Variants in KIF26B observed in about 807,000 individuals in gnomAD.
The protein encoded by KIF26B is kinesin family member 26B.
A neutral mutation model predicts 151.2 loss-of-function variants in KIF26B; 63 were observed. That is an observed-to-expected ratio of 0.42 (90% CI 0.34 to 0.51). The LOEUF (loss-of-function observed/expected upper bound fraction) is 0.51, where lower values mean the gene tolerates loss of function less well. Ranked by LOEUF, KIF26B falls within the 20% of genes least tolerant of loss-of-function variation. The probability of loss-of-function intolerance (pLI) is 0.07; values close to 1 mark genes in which losing one functional copy is unlikely to be tolerated. For synonymous variants in KIF26B, 1,357 were observed against 1,262.1 expected, an observed-to-expected ratio of 1.08 and a Z score of -1.59; for missense variants, 2,813 against 2,913.6, an observed-to-expected ratio of 0.97 and a Z score of 0.79.
chr1:245,641,119 T>C (rs537789880), intron 9 of KIF26B, among the ~76,000 whole-genome samples: 1 of 152,282 alleles, frequency 6.6e-6, no homozygotes, highest in East Asian at 1.9e-4. Flanking sequence ...GGGAACATTT[T>C]TTTTTTCCTT....
At position 245,534,387 on chromosome 1, in the gene KIF26B, T is replaced by G. The variant is rs574091619; in HGVS notation, c.1167-6380T>G. Among the ~76,000 whole-genome samples the G allele has an allele frequency of 2.0e-5, 3 of 152,232 alleles. No homozygotes were observed. In the South Asian group the frequency reaches 6.2e-4, roughly 32 times the overall value. On this transcript the variant is annotated intron_variant, in intron 4 of 14. Transcript: ENST00000407071. ...CATGTTAGCCAGGCTGGTCTTGAAC[T>G]CCTGACCTCGTGATCTGCCTGCCTC...
chr1:245,374,358 G>A (rs1673222374), intron 3 of KIF26B, among the ~76,000 whole-genome samples: 1 of 151,486 alleles, frequency 6.6e-6, no homozygotes, highest in African/African-American at 2.4e-5. Flanking sequence ...TTGTGGCTTC[G>A]TGGAAAGCAG....
chr1:245,485,723 G>T (rs997987474), intron 4 of KIF26B, among the ~76,000 whole-genome samples: 5 of 152,120 alleles, frequency 3.3e-5, no homozygotes, highest in African/African-American at 4.8e-5. Context: ...GGTAACCTTA[G>T]GAGAAAACTC....
chr1:245,419,600 A>T lies in KIF26B; in HGVS notation c.1021A>T (p.Ser341Cys), dbSNP rs1019103638. The change falls in exon 4 of 15, where the codon AGT becomes TGT. Residue 341 changes from serine to cysteine, a missense_variant. This residue lies in a region of KIF26B where 676 missense variants were observed against 688.1 expected (regional missense o/e 0.98). Coordinates refer to ENST00000407071, the MANE Select transcript of KIF26B (RefSeq NM_018012.4). ...TCAGATCTCCCAGCTGATGACAGAG[A>T]GTAGCCGGGAGGGACTAACAGAAGC... Reference protein sequence around the residue: ...PYQISQLMTESSREGLTEAVL... With the variant: ...PYQISQLMTECSREGLTEAVL... 1 of 1,611,558 alleles carries T rather than the reference A, an allele frequency of 6.2e-7. No individual in the cohort carries two copies. The highest frequency in any genetic ancestry group is 8.5e-7 in the Non-Finnish European group (1 of 1,178,676).
intron 2 of KIF26B, among the ~76,000 whole-genome samples, chr1:245,278,810 T>C (rs1670984415): frequency 1.3e-5 from 2 of 152,218 alleles, no homozygotes. Flanking sequence ...GTTTAGCTTT[T>C]AGAAAGTTAG....
Position 245,540,914 on chromosome 1 carries a change from T to C in KIF26B, c.1314T>C (p.Ala438=). Residue 438 remains alanine, a synonymous_variant, in exon 5 of 15, where the codon GCT becomes GCC. Coordinates refer to ENST00000407071, the MANE Select transcript of KIF26B (RefSeq NM_018012.4). This position sits in a 1 kb window ranked among gnomAD's most constrained non-coding sequence, Gnocchi z 4.6. The part of the protein sequence containing the change: ...PPPAPPCLLR[A]VNKVKDTPGL... ...CAGCCCCACCCTGCCTGCTGAGGGCTGTCAACAAGGTGAAGGACACCCCGG... is the reference window on the plus strand; with the variant it reads ...CAGCCCCACCCTGCCTGCTGAGGGCCGTCAACAAGGTGAAGGACACCCCGG... The C allele has an allele frequency of 1.2e-6, 2 of 1,613,832 alleles. No homozygotes were observed. The highest frequency in any genetic ancestry group is 1.1e-5 in the South Asian group (1 of 91,062).
At chr1:245,521,499 C>T (rs1208470572) in intron 4 of KIF26B, among the ~76,000 whole-genome samples, 2 of 152,116 alleles carry the variant, frequency 1.3e-5, no homozygotes, top group Admixed American at 6.5e-5. Flanking sequence ...CAAACCATAG[C>T]CTTGTAAAAC....
intron 2 of KIF26B, among the ~76,000 whole-genome samples, chr1:245,344,947 C>G (rs1014474942): frequency 8.6e-5 from 13 of 151,944 alleles, no homozygotes; most frequent in African/African-American, 3.1e-4. Flanking sequence ...CATTCTATAC[C>G]CCACCCGATG....
intron 2 of KIF26B, among the ~76,000 whole-genome samples, chr1:245,312,441 G>A (rs12738350): frequency 6.6e-6 from 1 of 152,066 alleles, no homozygotes; most frequent in Non-Finnish European, 1.5e-5. Flanking sequence ...GGAGTCGTTT[G>A]CCTCTCTTTT....
chr1:245,660,989 C>CTTTT lies in KIF26B; in HGVS notation c.2258+14720_2258+14723dup, dbSNP rs35859643. 7.9e-5 allele frequency among the ~76,000 whole-genome samples: 11 copies of CTTTT among 138,794 alleles called. 1 individual carries two copies. In the South Asian group the frequency reaches 1.2e-3, roughly 15 times the overall value. The allele number at this position is 138,794 out of a possible 152,430, so 91.1% of individuals were successfully genotyped here. A position where few individuals can be genotyped will look rare whatever the true frequency, so the allele number is the denominator to read the frequency against. On this transcript the variant is annotated intron_variant, in intron 10 of 14. Transcript: ENST00000407071. Reference sequence around the variant, plus strand: ...CCACCATCCCTGGCTTTTCTTTTTTCTTTTTTTTTTTTTTGGAGACAGAGT... The same window carrying CTTTT: ...CCACCATCCCTGGCTTTTCTTTTTTCTTTTTTTTTTTTTTTTTTGGAGACAGAGT...
intron 2 of KIF26B, among the ~76,000 whole-genome samples, chr1:245,306,699 C>T (rs12120571): frequency 0.19 from 29,452 of 152,068 alleles, 3,005 homozygotes; most frequent in East Asian, 0.43. Flanking sequence ...ATTCAAATGC[C>T]ATAATTCGTC....
intron 2 of KIF26B, among the ~76,000 whole-genome samples, chr1:245,301,539 G>T (rs577590723): frequency 7.2e-5 from 11 of 152,162 alleles, no homozygotes; most frequent in Non-Finnish European, 1.6e-4. Context: ...TACTCTGGGG[G>T]TTGGACCCAG....
rs143623674 is a variant in KIF26B at position 245,160,322 on chromosome 1, T to C, written c.465+3639T>C. Among the ~76,000 whole-genome samples the C allele has an allele frequency of 4.6e-3, 698 of 152,288 alleles. 4 individuals are homozygous for C. The highest frequency in any genetic ancestry group is 0.016 in the African/African-American group (648 of 41,566). The stretch of plus-strand genomic sequence containing the variant: ...TAAAAGAATGTGGACGTGTAAAGTG[T>C]TGAGATTTTAAGTGAGAATGGCCCT... On this transcript the variant is annotated intron_variant, in intron 2 of 14. Coordinates refer to ENST00000407071, the MANE Select transcript of KIF26B (RefSeq NM_018012.4).
intron 4 of KIF26B, among the ~76,000 whole-genome samples, chr1:245,438,179 T>C (rs1278657971): frequency 6.6e-6 from 1 of 152,330 alleles, no homozygotes; most frequent in East Asian, 1.9e-4. Flanking sequence ...TTAAATGTTT[T>C]AGCACCTGTA....
rs1168172493 is a variant in KIF26B at position 245,640,159 on chromosome 1, A to ATATATATATATATATATG, written c.2099-5960_2099-5959insTATATATATATATATGTA. Among the ~76,000 whole-genome samples, 87 of 34,326 alleles carry ATATATATATATATATATG rather than the reference A, an allele frequency of 2.5e-3. 3 individuals carry two copies. The highest frequency in any genetic ancestry group is 3.3e-3 in the Non-Finnish European group (49 of 14,766). The allele number at this position is 34,326 out of a possible 152,430, so 22.5% of individuals were successfully genotyped here. ...TCTCTCTCTCTATATATATATATAT[A>ATATATATATATATATATG]TACCCTGCTATTTGGTTATATATAT... is the stretch of plus-strand genomic sequence containing the variant. On this transcript the variant is annotated intron_variant, in intron 9 of 14. Coordinates refer to ENST00000407071, the MANE Select transcript of KIF26B (RefSeq NM_018012.4).
At chr1:245,270,067 A>G (rs534465245) in intron 2 of KIF26B, among the ~76,000 whole-genome samples, 1 of 152,308 alleles carries the variant, frequency 6.6e-6, no homozygotes, top group East Asian at 1.9e-4. Flanking sequence ...TCAACAGTGA[A>G]CAAGGATTTC....
At chr1:245,473,650 G>C (rs1254197574) in intron 4 of KIF26B, among the ~76,000 whole-genome samples, 1 of 151,880 alleles carries the variant, frequency 6.6e-6, no homozygotes. Flanking sequence ...TATGATCTTG[G>C]TATATAGCTC....
chr1:245,172,888 T>C (rs865982966), intron 2 of KIF26B, among the ~76,000 whole-genome samples: 2 of 152,312 alleles, frequency 1.3e-5, no homozygotes, highest in Middle Eastern at 3.4e-3. Flanking sequence ...CAATGTAAGA[T>C]TTATATGTCA....
intron 4 of KIF26B, among the ~76,000 whole-genome samples, chr1:245,433,466 CAAA>C (rs111335967): frequency 6.1e-5 from 7 of 115,032 alleles, no homozygotes; most frequent in Non-Finnish European, 9.2e-5. Context: ...GACTCTGTCT[CAAA>C]AAAAAAAAAA....
Sources: allele counts gnomAD v4.1 joint callset (sites outside exome capture counted in the v4.1 genomes callset), GRCh38; gene constraint gnomAD v4.1.1; regional missense constraint gnomAD v4.1.1; non-coding constraint Gnocchi (gnomAD v3.1); transcripts MANE v1.5; gene names NCBI Gene and HGNC (gene_info 2026-07-23, HGNC 2026-07-21).